FSIP1: variants seen among roughly 807,000 people sequenced by gnomAD.
FSIP1 encodes the protein fibrous sheath-interacting protein 1.
FSIP1 carries 65 observed loss-of-function variants against 60.9 expected under a neutral mutation model. That is an observed-to-expected ratio of 1.07 (90% CI 0.87 to 1.31). The LOEUF (loss-of-function observed/expected upper bound fraction) is 1.31. Among genes scored for constraint, FSIP1 ranks in the 40% most tolerant of loss-of-function variants. The pLI is 0.00. For missense variants in FSIP1, 675 were observed against 665.5 expected (o/e 1.01, Z -0.16); for synonymous variants, 209 against 221.2 (o/e 0.94, Z 0.49).
chr15:39,681,999 T>G (rs1366039078), intron 10 of FSIP1, among the ~76,000 whole-genome samples: 3 of 152,176 alleles, frequency 2.0e-5, no homozygotes, highest in Non-Finnish European at 4.4e-5. Context: ...TTTTTTTAAA[T>G]GTTGGGGCCC....
intron 10 of FSIP1, among the ~76,000 whole-genome samples, chr15:39,629,570 C>G (rs535234012): frequency 6.6e-6 from 1 of 152,162 alleles, no homozygotes; most frequent in Non-Finnish European, 1.5e-5. Context: ...TCTCTGCCTG[C>G]GCACACCCTC....
At chr15:39,697,241 G>A (rs1031843631) in intron 10 of FSIP1, among the ~76,000 whole-genome samples, 1 of 151,978 alleles carries the variant, frequency 6.6e-6, no homozygotes, top group African/African-American at 2.4e-5. Flanking sequence ...TGTGTTTCTA[G>A]ATATACCAAA....
rs1454646996 is a variant in FSIP1, at chr15:39,739,751, T to C, written c.694A>G (p.Lys232Glu). 2 of 1,591,272 alleles carry C rather than the reference T, an allele frequency of 1.3e-6. No individual in the cohort carries two copies. Among genetic ancestry groups the C allele is most frequent in the African/African-American group, 2.7e-5 (2 of 73,728 alleles). ...CDVERNESLI[K>E]SGKKPFSNTE... ...TTCGAGAAAGGTTTCTTTCCTGATTTGATCAATGACTCATTTCTTTCCACA... is the reference window on the plus strand; with the variant it reads ...TTCGAGAAAGGTTTCTTTCCTGATTCGATCAATGACTCATTTCTTTCCACA... The change falls in exon 7 of 12, where the codon AAA becomes GAA. Residue 232 changes from lysine to glutamate, a missense_variant. Coordinates refer to ENST00000350221, the MANE Select transcript of FSIP1 (RefSeq NM_152597.5).
intron 8 of FSIP1, among the ~76,000 whole-genome samples, chr15:39,730,291 T>C (rs191578777): frequency 6.6e-6 from 1 of 152,328 alleles, no homozygotes; most frequent in Non-Finnish European, 1.5e-5. Context: ...AATATGTTTA[T>C]GTGAAATTCA....
rs758759323 is a variant in FSIP1, at chr15:39,726,633, T to C, written c.1006A>G (p.Thr336Ala). The change falls in exon 9 of 12, where the codon ACA (threonine) becomes GCA (alanine). Residue 336 changes from threonine to alanine, a missense_variant. By Grantham distance (58) the Thr-to-Ala change is moderately conservative. Coordinates refer to ENST00000350221, the MANE Select transcript of FSIP1 (RefSeq NM_152597.5). ...AGTCTTGGAGAAAAACTGGAAATTG[T>C]AGGGGAGGCTGCAGAGAGTTCTTGG... ...KLQELSAASP[T>A]ISSFSPRLEN... The C allele has an allele frequency of 3.1e-6, 5 of 1,614,084 alleles. No homozygotes were observed. The highest frequency in any genetic ancestry group is 1.6e-4 in the Middle Eastern group (1 of 6,062).
chr15:39,746,235 T>C (rs1046666053), intron 5 of FSIP1, among the ~76,000 whole-genome samples: 3 of 152,158 alleles, frequency 2.0e-5, no homozygotes, highest in African/African-American at 7.2e-5. Context: ...TCAGTGGTCA[T>C]GTAAGCTTTG....
intron 10 of FSIP1, among the ~76,000 whole-genome samples, chr15:39,631,323 A>G (rs1441268576): frequency 1.3e-5 from 2 of 148,740 alleles, no homozygotes; most frequent in Non-Finnish European, 2.9e-5. Context: ...CACTCCCCAC[A>G]TGACTTTGTA....
chr15:39,684,521 A>C (rs1470813216), intron 10 of FSIP1, among the ~76,000 whole-genome samples: 1 of 152,210 alleles, frequency 6.6e-6, no homozygotes, highest in African/African-American at 2.4e-5. Flanking sequence ...TATAGAAGGA[A>C]ATAGCACCAA....
intron 10 of FSIP1, among the ~76,000 whole-genome samples, chr15:39,678,529 G>A (rs1894035259): frequency 6.6e-6 from 1 of 151,992 alleles, no homozygotes; most frequent in Non-Finnish European, 1.5e-5. Context: ...AAAAACATTC[G>A]TATTTAGAGT....
At chr15:39,661,075 A>AAATAAATC (rs1167477815) in intron 10 of FSIP1, among the ~76,000 whole-genome samples, 1 of 152,218 alleles carries the variant, frequency 6.6e-6, no homozygotes, top group Non-Finnish European at 1.5e-5. Context: ...TAAAATAAAT[A>AAATAAATC]AATAAATCAA....
At chr15:39,666,842 T>C (rs1893513807) in intron 10 of FSIP1, among the ~76,000 whole-genome samples, 1 of 152,156 alleles carries the variant, frequency 6.6e-6, no homozygotes, top group Admixed American at 6.5e-5. Context: ...TTCCAGACAT[T>C]CCATGAGTTT....
intron 5 of FSIP1, among the ~76,000 whole-genome samples, chr15:39,754,488 C>T (rs149012672): frequency 4.1e-4 from 62 of 151,980 alleles, no homozygotes; most frequent in African/African-American, 1.5e-3. Context: ...AGACTGAAAA[C>T]TGTTTGAATA....
At chr15:39,697,109 AC>A (rs1164614709) in intron 10 of FSIP1, among the ~76,000 whole-genome samples, 2 of 152,138 alleles carry the variant, frequency 1.3e-5, no homozygotes, top group African/African-American at 4.8e-5. Flanking sequence ...AACTGTAATC[AC>A]ATTTGCATAG....
chr15:39,613,623 G>A (rs1891113790), intron 11 of FSIP1, among the ~76,000 whole-genome samples: 1 of 150,874 alleles, frequency 6.6e-6, no homozygotes, highest in Non-Finnish European at 1.5e-5. Context: ...GCATTACCCA[G>A]ATACCAAAGC....
At chr15:39,768,155 G>C (rs146513805) in intron 3 of FSIP1, among the ~76,000 whole-genome samples, 1 of 152,332 alleles carries the variant, frequency 6.6e-6, no homozygotes, top group African/African-American at 2.4e-5. Context: ...GAGCAGGGAA[G>C]CACTGAAGAA....
rs920005720 is a variant in FSIP1 at position 39,657,456 on chromosome 15, C to G, written c.1189-39211G>C. Among the ~76,000 whole-genome samples, 8 of 149,382 alleles carry G rather than the reference C, an allele frequency of 5.4e-5. 1 individual carries two copies. The South Asian group carries it at 1.5e-3, about 28-fold the overall frequency. On this transcript the variant is annotated intron_variant, in intron 10 of 11. Transcript: ENST00000350221. ...TCCAACAAAAACAACATGTTTATTT[C>G]TATTGTCTTAATCTTAAGCAAAAAA... is the stretch of plus-strand genomic sequence containing the variant.
At chr15:39,606,962 A>G (rs1217952810) in intron 11 of FSIP1, among the ~76,000 whole-genome samples, 4 of 152,140 alleles carry the variant, frequency 2.6e-5, no homozygotes, top group African/African-American at 9.7e-5. Flanking sequence ...TTTGCTTCGG[A>G]AGTGCCAGTA....
intron 5 of FSIP1, among the ~76,000 whole-genome samples, chr15:39,756,005 T>C (rs895039044): frequency 2.0e-5 from 3 of 152,046 alleles, no homozygotes; most frequent in Non-Finnish European, 4.4e-5. Context: ...AACCCAAAAG[T>C]GACCCCTCAG....
chr15:39,725,083 T>C (rs1013165368), intron 9 of FSIP1, among the ~76,000 whole-genome samples: 2 of 151,968 alleles, frequency 1.3e-5, no homozygotes, highest in African/African-American at 4.8e-5. Flanking sequence ...ATACAAAAAT[T>C]AGCTGGGCAT....
Sources: gnomAD v4.1 joint callset for allele counts (sites outside exome capture counted in the v4.1 genomes callset) on GRCh38, gnomAD v4.1.1 for gene constraint, MANE v1.5 for transcripts, NCBI Gene and HGNC (gene_info 2026-07-23, HGNC 2026-07-21) for gene names.